The following MYT1L variants were observed in gnomAD, a reference collection of about 807,000 sequenced individuals.
MYT1L encodes myelin transcription factor 1 like.
A neutral mutation model predicts 126.7 loss-of-function variants in MYT1L; 12 were observed. The ratio of observed to expected loss-of-function variants is 0.09; its 90% CI spans 0.06 to 0.15. MYT1L has a LOEUF of 0.15. Ranked by LOEUF, MYT1L falls within the 10% of genes least tolerant of loss-of-function variation. The pLI is 1.00. For synonymous variants in MYT1L, 541 were observed against 604.2 expected, an observed-to-expected ratio of 0.90 and a Z score of 1.53; for missense variants, 979 against 1,585.2, an observed-to-expected ratio of 0.62 and a Z score of 6.49.
Position 1,920,486 on chromosome 2 carries a change from G to A in MYT1L, c.1483+1800C>T, listed in dbSNP as rs182233849. Among the ~76,000 whole-genome samples, 25 of 152,118 alleles carry A rather than the reference G, an allele frequency of 1.6e-4. No homozygotes were observed. The East Asian group carries it at 4.3e-3, about 26-fold the overall frequency. The stretch of plus-strand genomic sequence containing the variant: ...AACTCCATCCTCAGATTTAGGATCC[G>A]GGAGTCTAAAACATAAGCCTAAGCT... On this transcript the variant is annotated intron_variant, in intron 10 of 24. Coordinates refer to ENST00000647738, the MANE Select transcript of MYT1L (RefSeq NM_001303052.2).
At chr2:2,164,226 T>C (rs2088607667) in intron 3 of MYT1L, among the ~76,000 whole-genome samples, 1 of 152,176 alleles carries the variant, frequency 6.6e-6, no homozygotes, top group Non-Finnish European at 1.5e-5. Flanking sequence ...TGTGTTTTTT[T>C]CTTATAGTTA....
intron 5 of MYT1L, among the ~76,000 whole-genome samples, chr2:1,980,792 C>A (rs1471479891): frequency 6.6e-6 from 1 of 152,212 alleles, no homozygotes; most frequent in South Asian, 2.1e-4. Flanking sequence ...TAAATATATA[C>A]GAGTATGTTT....
intron 2 of MYT1L, among the ~76,000 whole-genome samples, chr2:2,211,796 T>C (rs1572501012): frequency 2.7e-5 from 3 of 110,478 alleles, no homozygotes; most frequent in African/African-American, 4.5e-5. Context: ...AGAGAGAGAC[T>C]CCATGTCAAA....
Position 1,840,989 on chromosome 2 carries a change from C to T in MYT1L, c.2775-146G>A, listed in dbSNP as rs191784384. 0.016 allele frequency: 9,190 copies of T among 584,026 alleles called. 692 individuals carry two copies. The African/African-American group carries it at 0.16, about 10-fold the overall frequency. 36.2% of individuals were successfully genotyped at this position (584,026 alleles called of 1,614,324 possible). A position where few individuals can be genotyped will look rare whatever the true frequency, so the allele number is the denominator to read the frequency against. The stretch of plus-strand genomic sequence containing the variant: ...TGTGATCTCGGCTCACTGCAAGCTC[C>T]GCCTCCCGGGTTCACGCCATTCTCC... On this transcript the variant is annotated intron_variant, in intron 19 of 24. Coordinates refer to ENST00000647738, the MANE Select transcript of MYT1L (RefSeq NM_001303052.2).
chr2:1,975,382 C>T (rs753144638), intron 8 of MYT1L, among the ~76,000 whole-genome samples: 2 of 152,210 alleles, frequency 1.3e-5, no homozygotes, highest in Admixed American at 1.3e-4. Flanking sequence ...TTGTAAACTA[C>T]AATTGTGAGA....
At chr2:2,262,122 C>A (rs1455234835) in intron 2 of MYT1L, among the ~76,000 whole-genome samples, 1 of 152,114 alleles carries the variant, frequency 6.6e-6, no homozygotes, top group African/African-American at 2.4e-5. Flanking sequence ...TGTTGAATCC[C>A]AACAGCTAGA....
intron 11 of MYT1L, among the ~76,000 whole-genome samples, chr2:1,913,769 C>G (rs1261873713): frequency 6.6e-6 from 1 of 152,172 alleles, no homozygotes; most frequent in Non-Finnish European, 1.5e-5. Flanking sequence ...CTCTCTCCTG[C>G]TGTGTGGGAA....
At chr2:1,794,998 G>C (rs935385423) in intron 23 of MYT1L, among the ~76,000 whole-genome samples, 11 of 152,194 alleles carry the variant, frequency 7.2e-5, no homozygotes, top group African/African-American at 2.7e-4. Context: ...GCCAGGTCTT[G>C]CAGCCTCACC....
At chr2:1,972,698 T>G (rs994024588) in intron 8 of MYT1L, among the ~76,000 whole-genome samples, 1 of 152,160 alleles carries the variant, frequency 6.6e-6, no homozygotes, top group African/African-American at 2.4e-5. Flanking sequence ...CAGCCTCCTG[T>G]GAAGACAGGC....
chr2:1,791,679 G>T lies in MYT1L; in HGVS notation c.*188C>A. On this transcript the variant is annotated 3_prime_UTR_variant, in exon 25 of 25. Transcript: ENST00000647738. The surrounding 1 kb of genome is among the most constrained non-coding windows in gnomAD (Gnocchi z 6.0). ...TTACATGGAAACGTACAAAATGTGGGTGTATTCAAAAACTATTCTGCAGGT... is the reference window on the plus strand; with the variant it reads ...TTACATGGAAACGTACAAAATGTGGTTGTATTCAAAAACTATTCTGCAGGT... The T allele has an allele frequency of 1.8e-6, 1 of 554,480 alleles. No individual in the cohort carries two copies. Among genetic ancestry groups the T allele is most frequent in the South Asian group, 3.1e-5 (1 of 32,408 alleles). 34.3% of individuals were successfully genotyped at this position (554,480 alleles called of 1,614,324 possible).
At chr2:1,944,884 G>A (rs2057053547) in intron 8 of MYT1L, among the ~76,000 whole-genome samples, 1 of 152,196 alleles carries the variant, frequency 6.6e-6, no homozygotes, top group African/African-American at 2.4e-5. Context: ...AAAACGTGCA[G>A]AGGGCTCTAT....
chr2:2,152,440 AC>A, intron 3 of MYT1L, among the ~76,000 whole-genome samples: 1 of 152,356 alleles, frequency 6.6e-6, no homozygotes, highest in Middle Eastern at 3.4e-3. Context: ...GGAACCAGAA[AC>A]TAGGGGAGAA....
chr2:1,831,125 C>G (rs2040106058), intron 21 of MYT1L, among the ~76,000 whole-genome samples: 1 of 149,128 alleles, frequency 6.7e-6, no homozygotes, highest in African/African-American at 2.5e-5. Flanking sequence ...CCCTGCAACC[C>G]CACTCGGGTG....
chr2:2,243,829 A>G (rs2094482085), intron 2 of MYT1L, among the ~76,000 whole-genome samples: 1 of 152,206 alleles, frequency 6.6e-6, no homozygotes, highest in Non-Finnish European at 1.5e-5. Flanking sequence ...ATTTCAGTAT[A>G]TGAAGCAACA....
rs1043232174 is a variant in MYT1L, at chr2:1,865,399, G to C, written c.2712-13696C>G. Among the ~76,000 whole-genome samples the C allele has an allele frequency of 3.9e-5, 6 of 152,300 alleles. No individual in the cohort carries two copies. The South Asian group carries it at 1.0e-3, about 26-fold the overall frequency. ...AGCCCCGGAGTCAGAGAGCCAGACC[G>C]GGTTTGGCCTGAGGCTCTGCCATTC... is the stretch of plus-strand genomic sequence containing the variant. On this transcript the variant is annotated intron_variant, in intron 18 of 24. Transcript: ENST00000647738.
chr2:1,797,538 T>C (rs1372663342), intron 23 of MYT1L, among the ~76,000 whole-genome samples: 1 of 152,170 alleles, frequency 6.6e-6, no homozygotes, highest in African/African-American at 2.4e-5. Flanking sequence ...GGACTTCTGA[T>C]TGCGTTTGTG....
intron 3 of MYT1L, among the ~76,000 whole-genome samples, chr2:2,063,777 G>A (rs142466632): frequency 0.04 from 6,052 of 152,232 alleles, 165 homozygotes; most frequent in Non-Finnish European, 0.056. Flanking sequence ...CTGGGAGGTA[G>A]AGGTTACAGT....
chr2:2,185,940 C>G (rs1460329341), intron 2 of MYT1L, among the ~76,000 whole-genome samples: 17 of 105,564 alleles, frequency 1.6e-4, no homozygotes, highest in South Asian at 6.2e-4. Flanking sequence ...TTCTGTGAGG[C>G]GGACGCAGCC....
intron 9 of MYT1L, among the ~76,000 whole-genome samples, chr2:1,927,445 G>A (rs2054385039): frequency 6.6e-6 from 1 of 152,220 alleles, no homozygotes; most frequent in African/African-American, 2.4e-5. Context: ...CGTGGTTGCT[G>A]TGGGCCATTT....
Sources: allele counts gnomAD v4.1 joint callset (sites outside exome capture counted in the v4.1 genomes callset), GRCh38; gene constraint gnomAD v4.1.1; non-coding constraint Gnocchi (gnomAD v3.1); transcripts MANE v1.5; gene names NCBI Gene and HGNC (gene_info 2026-07-23, HGNC 2026-07-21).